Variants in DHX57 observed in about 807,000 individuals in gnomAD.
DHX57 encodes the protein putative ATP-dependent RNA helicase DHX57.
In DHX57, 105 loss-of-function variants were observed where a neutral mutation model predicts 156.2. That is an observed-to-expected ratio of 0.67 (90% confidence interval 0.57 to 0.79). The LOEUF (loss-of-function observed/expected upper bound fraction) is 0.79, where lower values mean the gene tolerates loss of function less well. DHX57 is among the 30% of genes least tolerant of loss of function. DHX57 has a pLI of 0.00. For missense variants in DHX57, 1,847 were observed against 1,661.9 expected, an observed-to-expected ratio of 1.11 and a Z score of -1.94; for synonymous variants, 704 against 595.6, an observed-to-expected ratio of 1.18 and a Z score of -2.65.
At chr2:38,836,276 C>T (rs527544451) in intron 13 of DHX57, among the ~76,000 whole-genome samples, 1 of 152,084 alleles carries the variant, frequency 6.6e-6, no homozygotes, top group African/African-American at 2.4e-5. Flanking sequence ...TTCTGCCTCC[C>T]CTTCCACTTC....
intron 12 of DHX57, among the ~76,000 whole-genome samples, chr2:38,840,582 C>A (rs1671942814): frequency 6.6e-6 from 1 of 151,280 alleles, no homozygotes; most frequent in Non-Finnish European, 1.5e-5. Context: ...TTAAAACAAA[C>A]AAACAAACAA....
At chr2:38,799,220 A>T in intron 23 of DHX57, among the ~76,000 whole-genome samples, 1 of 151,776 alleles carries the variant, frequency 6.6e-6, no homozygotes, top group Non-Finnish European at 1.5e-5. Flanking sequence ...GTACAAAATT[A>T]GCTGGGATGG....
intron 1 of DHX57, among the ~76,000 whole-genome samples, chr2:38,874,408 T>A (rs1185018235): frequency 3.1e-5 from 1 of 32,242 alleles, no homozygotes; most frequent in African/African-American, 6.6e-5. Context: ...TGTATTTTTT[T>A]TTTTTTTTTT....
At chr2:38,809,612 C>T (rs1240150810) in intron 21 of DHX57, among the ~76,000 whole-genome samples, 1 of 151,872 alleles carries the variant, frequency 6.6e-6, no homozygotes, top group Non-Finnish European at 1.5e-5. Flanking sequence ...CAGGCACCCG[C>T]CACCATGCCT....
chr2:38,835,450 A>G (rs1671602328), intron 13 of DHX57, among the ~76,000 whole-genome samples: 1 of 152,172 alleles, frequency 6.6e-6, no homozygotes, highest in Non-Finnish European at 1.5e-5. Flanking sequence ...TGGTTCCATC[A>G]ATGCTTTGTC....
At chr2:38,830,890 T>C (rs1176619283) in intron 13 of DHX57, among the ~76,000 whole-genome samples, 1 of 151,938 alleles carries the variant, frequency 6.6e-6, no homozygotes, top group Non-Finnish European at 1.5e-5. Context: ...GCCTAGGAGT[T>C]TGAAACCAGT....
At position 38,837,843 on chromosome 2, in the gene DHX57, A is replaced by C. The variant is rs185401248; in HGVS notation, c.2530T>G (p.Ser844Ala). The stretch of plus-strand genomic sequence containing the variant: ...AAGAAGCAGTTACCTGGAGGGTAGG[A>C]GTGCTTTCCATCCACAATCCACTCT... ...LLEWIVDGKHSYPPGAILVFL... is the reference protein window; with the variant it reads ...LLEWIVDGKHAYPPGAILVFL... The change falls in exon 13 of 24, where the codon TCC becomes GCC. Residue 844 changes from serine (S) to alanine (A), a missense_variant. Physicochemically the swap from Ser to Ala is moderately conservative, Grantham distance 99. Coordinates refer to ENST00000457308, the MANE Select transcript of DHX57 (RefSeq NM_198963.3). 1 of 1,598,822 alleles carries C rather than the reference A, an allele frequency of 6.3e-7. No individual in the cohort carries two copies. Among genetic ancestry groups the C allele is most frequent in the East Asian group, 2.2e-5 (1 of 44,776 alleles).
chr2:38,851,131 CACA>C (rs1672570148), intron 9 of DHX57, among the ~76,000 whole-genome samples: 1 of 151,944 alleles, frequency 6.6e-6, no homozygotes, highest in South Asian at 2.1e-4. Context: ...TCAAAAACAG[CACA>C]ACAAAACTAT....
intron 13 of DHX57, 106 bp downstream of exon 13, chr2:38,837,725 T>C (rs1296383687): frequency 1.1e-5 from 8 of 710,596 alleles, no homozygotes; most frequent in Non-Finnish European, 2.0e-5. Flanking sequence ...CCTTGTAGCC[T>C]GTGTGCAGAG....
At chr2:38,821,408 T>C (rs1670808925) in intron 17 of DHX57, among the ~76,000 whole-genome samples, 2 of 151,908 alleles carry the variant, frequency 1.3e-5, no homozygotes, top group African/African-American at 2.4e-5. Flanking sequence ...AAAAAATTAA[T>C]AAAACTGCCA....
At chr2:38,802,613 T>G (rs1341204454) in intron 23 of DHX57, 102 bp downstream of exon 23, 1 of 1,409,882 alleles carries the variant, frequency 7.1e-7, no homozygotes, top group African/African-American at 1.4e-5. Context: ...TAATTAGCTC[T>G]GTTACCTTGG....
chr2:38,811,614 C>A lies in DHX57; in HGVS notation c.3681+2207G>T, dbSNP rs921500597. On this transcript the variant is annotated intron_variant, in intron 21 of 23. Coordinates refer to ENST00000457308, the MANE Select transcript of DHX57 (RefSeq NM_198963.3). ...CACGAGGATGCAGGAGGTGTCCAGG[C>A]CGGCACTGTAGGCCAGAACCATGGA... 8.0e-6 allele frequency: 11 copies of A among 1,371,638 alleles called. No homozygotes were observed. In the African/African-American group the frequency reaches 1.3e-4, roughly 16 times the overall value. 85.0% of individuals were successfully genotyped at this position (1,371,638 alleles called of 1,614,324 possible).
At chr2:38,854,956 G>T in intron 8 of DHX57, 101 bp downstream of exon 8, 1 of 1,080,496 alleles carries the variant, frequency 9.3e-7, no homozygotes, top group Non-Finnish European at 1.4e-6. Flanking sequence ...TAACCTGAAA[G>T]TATATATCCC....
chr2:38,839,267 G>A (rs1199017424), intron 12 of DHX57, among the ~76,000 whole-genome samples: 1 of 151,908 alleles, frequency 6.6e-6, no homozygotes, highest in Non-Finnish European at 1.5e-5. Context: ...TATTGTTGGG[G>A]TGACTAACTC....
At chr2:38,827,801 T>C (rs1418113164) in intron 14 of DHX57, among the ~76,000 whole-genome samples, 1 of 151,982 alleles carries the variant, frequency 6.6e-6, no homozygotes, top group Non-Finnish European at 1.5e-5. Context: ...CTTCCCCCAC[T>C]ATCTGGGGCT....
intron 3 of DHX57, 131 bp downstream of exon 3, chr2:38,863,230 G>T: frequency 1.1e-6 from 1 of 921,766 alleles, no homozygotes. Flanking sequence ...TATTACTCTT[G>T]GCTCACTTTC....
intron 17 of DHX57, among the ~76,000 whole-genome samples, chr2:38,819,671 G>A (rs767611383): frequency 1.2e-4 from 19 of 152,148 alleles, no homozygotes; most frequent in Non-Finnish European, 1.6e-4. Flanking sequence ...GCTCTTCTGG[G>A]TCTTTTAGTT....
intron 7 of DHX57, among the ~76,000 whole-genome samples, chr2:38,855,760 G>T (rs1271382860): frequency 6.6e-6 from 1 of 152,092 alleles, no homozygotes; most frequent in East Asian, 1.9e-4. Context: ...ATAGGAGAAT[G>T]TAAAGCAGGA....
At chr2:38,849,294 A>G (rs1160560708) in intron 9 of DHX57, among the ~76,000 whole-genome samples, 1 of 152,210 alleles carries the variant, frequency 6.6e-6, no homozygotes, top group East Asian at 1.9e-4. Flanking sequence ...TTAGTAGGAA[A>G]AATCCCAAGT....
Sources: allele counts gnomAD v4.1 joint callset (sites outside exome capture counted in the v4.1 genomes callset), GRCh38; gene constraint gnomAD v4.1.1; transcripts MANE v1.5; gene names NCBI Gene and HGNC (gene_info 2026-07-23, HGNC 2026-07-21).